Variants in IPO11 observed in about 807,000 individuals in gnomAD.
The protein encoded by IPO11 is importin-11.
Under a neutral mutation model 143.2 loss-of-function variants are expected in IPO11, and 66 were observed. The observed-to-expected ratio is 0.46, with a 90% CI of 0.38 to 0.57. The LOEUF (loss-of-function observed/expected upper bound fraction) is 0.57, where lower values mean the gene tolerates loss of function less well. IPO11 is among the 20% of genes least tolerant of loss of function. The probability of loss-of-function intolerance (pLI) is 0.00; values close to 1 mark genes in which losing one functional copy is unlikely to be tolerated. For synonymous variants in IPO11, 385 were observed against 377.8 expected (o/e 1.02, Z -0.22); for missense variants, 1,026 against 1,141.0 (o/e 0.90, Z 1.45).
At chr5:62,565,477 C>A (rs1260462578) in intron 27 of IPO11, among the ~76,000 whole-genome samples, 1 of 152,148 alleles carries the variant, frequency 6.6e-6, no homozygotes, top group Non-Finnish European at 1.5e-5. Context: ...CAGAGTGAGA[C>A]TCTGTCTCAA....
chr5:62,536,894 C>T (rs1200254925), intron 23 of IPO11, 113 bp downstream of exon 23: 2 of 1,124,982 alleles, frequency 1.8e-6, no homozygotes, highest in African/African-American at 1.7e-5. Flanking sequence ...TATTTTAAGA[C>T]AGAGAAACAT....
chr5:62,571,544 G>C (rs558894214), intron 27 of IPO11, among the ~76,000 whole-genome samples: 2 of 152,310 alleles, frequency 1.3e-5, no homozygotes, highest in Non-Finnish European at 1.5e-5. Context: ...TCTTTTGAAA[G>C]AGTTTATGTG....
In IPO11 at chr5:62,464,819, C is replaced by T. The variant is rs561146891; in HGVS notation, c.517-2312C>T. On this transcript the variant is annotated intron_variant, in intron 5 of 29. Coordinates refer to ENST00000325324, the MANE Select transcript of IPO11 (RefSeq NM_016338.5). ...TTCAAGTGACTTCAGATAATGGCGA[C>T]ACAAAAAATTTCAATATAAAGTCCT... Among the ~76,000 whole-genome samples the T allele has an allele frequency of 3.9e-5, 6 of 152,230 alleles. 1 individual carries two copies. The South Asian group carries it at 1.0e-3, about 26-fold the overall frequency.
intron 27 of IPO11, among the ~76,000 whole-genome samples, chr5:62,570,315 C>CA (rs1354499774): frequency 6.6e-6 from 1 of 152,104 alleles, no homozygotes; most frequent in Non-Finnish European, 1.5e-5. Context: ...CCACTCCCCC[C>CA]AAAAAAGTCC....
At chr5:62,576,132 C>T (rs1744306607) in intron 27 of IPO11, 1 of 155,342 alleles carries the variant, frequency 6.4e-6, no homozygotes, top group African/African-American at 2.4e-5. Flanking sequence ...TGTGCGTAAG[C>T]ACATTTATTG....
intron 29 of IPO11, among the ~76,000 whole-genome samples, chr5:62,618,026 T>C (rs1465645186): frequency 2.0e-5 from 3 of 152,092 alleles, no homozygotes; most frequent in African/African-American, 7.2e-5. Flanking sequence ...TTAATATCTA[T>C]ATATAAAAAT....
chr5:62,420,372 T>C lies in IPO11; in HGVS notation c.-7+7443T>C, dbSNP rs115536484. Among the ~76,000 whole-genome samples the C allele has an allele frequency of 8.3e-3, 1,268 of 152,178 alleles. 23 individuals carry two copies. Among genetic ancestry groups the C allele is most frequent in the African/African-American group, 0.03 (1,230 of 41,514 alleles). On this transcript the variant is annotated intron_variant, in intron 1 of 29. Transcript: ENST00000325324. ...TGCTTATTATCACTTTCAAGTGTTA[T>C]GTACTGTACCTAATTGTATGTGCTC... is the stretch of plus-strand genomic sequence containing the variant.
At chr5:62,453,545 G>A (rs1298219891) in intron 5 of IPO11, among the ~76,000 whole-genome samples, 2 of 144,520 alleles carry the variant, frequency 1.4e-5, no homozygotes, top group Non-Finnish European at 2.9e-5. Flanking sequence ...TTTGTTCTGA[G>A]GACTCAATTT....
At chr5:62,458,884 A>G (rs1466215774) in intron 5 of IPO11, among the ~76,000 whole-genome samples, 2 of 152,188 alleles carry the variant, frequency 1.3e-5, no homozygotes, top group African/African-American at 4.8e-5. Context: ...TCTGAGTCCT[A>G]GTTAAGGGCC....
At chr5:62,448,894 T>C (rs1442308874) in intron 3 of IPO11, among the ~76,000 whole-genome samples, 1 of 152,180 alleles carries the variant, frequency 6.6e-6, no homozygotes, top group Admixed American at 6.5e-5. Context: ...AACCTTGTAG[T>C]AATACGTTAA....
Position 62,449,929 on chromosome 5 carries a change from C to A in IPO11, c.242C>A (p.Ala81Asp). 6.4e-7 allele frequency: 1 copy of A among 1,550,836 alleles called. No individual in the cohort carries two copies. The highest frequency in any genetic ancestry group is 8.7e-7 in the Non-Finnish European group (1 of 1,149,750). ...TCAATACTTTTTTTTTTTTACAGTGCTCTCTCAGAGGAGGAGAAAACTACT... is the reference window on the plus strand; with the variant it reads ...TCAATACTTTTTTTTTTTTACAGTGATCTCTCAGAGGAGGAGAAAACTACT... The part of the protein sequence containing the change: ...DRYWRRVAPH[A>D]LSEEEKTTLR... The change falls in exon 4 of 30, where the codon GCT (alanine) becomes GAT (aspartate). Residue 81 changes from alanine (A) to aspartate (D), a missense_variant and splice_region_variant. Ala to Asp is a moderately radical substitution (Grantham distance 126). Around this residue, in one of 5 missense-constraint regions of IPO11, gnomAD observed 429 missense variants for 456.3 expected, o/e 0.94. Transcript: ENST00000325324.
At chr5:62,471,997 C>T (rs1225596684) in intron 7 of IPO11, among the ~76,000 whole-genome samples, 2 of 152,146 alleles carry the variant, frequency 1.3e-5, no homozygotes, top group Non-Finnish European at 2.9e-5. Flanking sequence ...TGTCAAGCCT[C>T]GATTTAAATC....
At chr5:62,598,274 A>G (rs1354520427) in intron 28 of IPO11, among the ~76,000 whole-genome samples, 2 of 152,216 alleles carry the variant, frequency 1.3e-5, no homozygotes, top group African/African-American at 4.8e-5. Flanking sequence ...ATAACTGTAC[A>G]GATTCAGGGT....
Position 62,460,732 on chromosome 5 carries a change from C to G in IPO11, c.517-6399C>G, listed in dbSNP as rs190812750. Among the ~76,000 whole-genome samples, 33 of 152,302 alleles carry G rather than the reference C, an allele frequency of 2.2e-4. 1 individual carries two copies. Among genetic ancestry groups the G allele is most frequent in the Middle Eastern group, 3.4e-3 (1 of 294 alleles). ...GAAAATGTTAAGTATTTGGGGGTTT[C>G]ATGAACTAGTACCTAACATGTTTCA... On this transcript the variant is annotated intron_variant, in intron 5 of 29. Transcript: ENST00000325324.
intron 11 of IPO11, among the ~76,000 whole-genome samples, chr5:62,485,048 A>T (rs1431901484): frequency 6.6e-6 from 1 of 152,140 alleles, no homozygotes. Flanking sequence ...GAGTGTGAGT[A>T]ATCATTGTAC....
chr5:62,541,662 T>TAGAGTGA, intron 24 of IPO11, among the ~76,000 whole-genome samples: 1 of 151,726 alleles, frequency 6.6e-6, no homozygotes, highest in East Asian at 1.9e-4. Context: ...GCCTAGACAA[T>TAGAGTGA]AGAGTGAGAC....
intron 28 of IPO11, among the ~76,000 whole-genome samples, chr5:62,598,662 A>T (rs886862102): frequency 6.7e-5 from 10 of 148,558 alleles, no homozygotes; most frequent in African/African-American, 2.5e-4. Context: ...CTCTCATCTC[A>T]GCCTCCCGAG....
intron 1 of IPO11, among the ~76,000 whole-genome samples, chr5:62,427,605 A>G (rs940517055): frequency 9.2e-5 from 14 of 152,320 alleles, no homozygotes; most frequent in African/African-American, 2.6e-4. Flanking sequence ...GCAGCATTAG[A>G]TCCTCATAAA....
intron 26 of IPO11, among the ~76,000 whole-genome samples, chr5:62,556,406 C>G (rs1230857818): frequency 6.6e-6 from 1 of 152,294 alleles, no homozygotes; most frequent in Non-Finnish European, 1.5e-5. Context: ...GAGGACTACT[C>G]CAGTTACTGC....
Sources: allele counts gnomAD v4.1 joint callset (sites outside exome capture counted in the v4.1 genomes callset), GRCh38; gene constraint gnomAD v4.1.1; regional missense constraint gnomAD v4.1.1; transcripts MANE v1.5; gene names NCBI Gene and HGNC (gene_info 2026-07-23, HGNC 2026-07-21).